Variants in MUC15 observed in about 807,000 individuals in gnomAD.
The protein encoded by MUC15 is mucin-15.
In MUC15, 23 loss-of-function variants were observed where a neutral mutation model predicts 24.0. That is an observed-to-expected ratio of 0.96 (90% confidence interval 0.69 to 1.36). The LOEUF is 1.36. Among genes scored for constraint, MUC15 ranks in the 40% most tolerant of loss-of-function variants. MUC15 has a pLI of 0.00. For missense variants in MUC15, 442 were observed against 428.2 expected (o/e 1.03, Z -0.29); for synonymous variants, 151 against 156.3 (o/e 0.97, Z 0.25).
At chr11:26,564,722 CACACACACACAT>C (rs1850464754) in intron 3 of MUC15, among the ~76,000 whole-genome samples, 5 of 66,998 alleles carry the variant, frequency 7.5e-5, no homozygotes, top group African/African-American at 1.1e-4. Flanking sequence ...CACACACACA[CACACACACACAT>C]ATATATATAT....
rs772708062 is a variant in MUC15 at position 26,565,320 on chromosome 11, A to G, written c.620T>C (p.Val207Ala). ...ILSSEPTSPSVTPLIVEPSGW... is the reference protein window; with the variant it reads ...ILSSEPTSPSATPLIVEPSGW... ...ACTTGGTTCCACTATCAAGGGGGTCACAGATGGAGAAGTTGGTTCTGAAGA... is the reference window on the plus strand; with the variant it reads ...ACTTGGTTCCACTATCAAGGGGGTCGCAGATGGAGAAGTTGGTTCTGAAGA... Residue 207 changes from valine (V) to alanine (A), a missense_variant, in exon 3 of 5, where the codon GTG (valine) becomes GCG (alanine). Val to Ala is a moderately conservative substitution (Grantham distance 64). Coordinates refer to ENST00000529533, the MANE Select transcript of MUC15 (RefSeq NM_001135091.2). The G allele has an allele frequency of 6.2e-7, 1 of 1,611,106 alleles. No individual in the cohort carries two copies. The highest frequency in any genetic ancestry group is 2.2e-5 in the East Asian group (1 of 44,832).
chr11:26,564,777 A>T (rs541673691), intron 3 of MUC15, among the ~76,000 whole-genome samples: 2 of 101,654 alleles, frequency 2.0e-5, no homozygotes, highest in Non-Finnish European at 2.1e-5. Flanking sequence ...ATATATATAT[A>T]TATATATAAG....
At chr11:26,564,785 A>ATATATATATATAT (rs1850498223) in intron 3 of MUC15, among the ~76,000 whole-genome samples, 1 of 95,484 alleles carries the variant, frequency 1.0e-5, no homozygotes, top group Non-Finnish European at 2.2e-5. Context: ...ATATATATAT[A>ATATATATATATAT]AGTTCAGTTG....
At chr11:26,567,322 G>C (rs1268334655) in intron 1 of MUC15, among the ~76,000 whole-genome samples, 183 bp from the exon 2 acceptor site, 1 of 151,798 alleles carries the variant, frequency 6.6e-6, no homozygotes. Context: ...TTCACTGAAA[G>C]CCTCCATGCT....
intron 4 of MUC15, 145 bp from the exon 5 acceptor site, chr11:26,561,370 T>C: frequency 1.6e-6 from 1 of 635,748 alleles, no homozygotes; most frequent in East Asian, 3.2e-5. Context: ...TTTAAAATTT[T>C]AAATAAGTAG....
rs1274503641 is a variant in MUC15 at position 26,563,183 on chromosome 11, C to A, written c.858G>T (p.Leu286Phe). The change falls in exon 4 of 5, where the codon TTG (leucine) becomes TTT (phenylalanine). Residue 286 changes from leucine (L) to phenylalanine (F), a missense_variant. Transcript: ENST00000529533. ...AATCCGTTTTCCTTTTTCCACACAA[C>A]AAGTAGCCCACAAGAGTAAGCAATG... ...GVSLLTLVGYLLCGKRKTDSF... is the reference protein window; with the variant it reads ...GVSLLTLVGYFLCGKRKTDSF... The A allele has an allele frequency of 6.2e-7, 1 of 1,612,442 alleles. No homozygotes were observed. The highest frequency in any genetic ancestry group is 2.2e-5 in the East Asian group (1 of 44,808).
rs182178762 is a variant in MUC15, at chr11:26,572,128, A to G, written c.-133T>C. ...GAATCTGTCGTGCATTAGAGAAAAC[A>G]GATGGGTTAAGTGTGACAATGTCGC... On this transcript the variant is annotated 5_prime_UTR_variant, in exon 1 of 5. Transcript: ENST00000529533. The G allele has an allele frequency of 5.4e-5, 53 of 985,400 alleles. No individual in the cohort carries two copies. Among genetic ancestry groups the G allele is most frequent in the Non-Finnish European group, 6.3e-5 (52 of 829,934 alleles). 61.0% of individuals were successfully genotyped at this position (985,400 alleles called of 1,614,324 possible). A position where few individuals can be genotyped will look rare whatever the true frequency, so the allele number is the denominator to read the frequency against.
chr11:26,564,692 T>C (rs978185658), intron 3 of MUC15, among the ~76,000 whole-genome samples: 84 of 41,136 alleles, frequency 2.0e-3, no homozygotes, highest in East Asian at 0.015. Context: ...CTCATATATA[T>C]ACACACACAC....
chr11:26,571,047 TA>T (rs1850804482), intron 1 of MUC15, among the ~76,000 whole-genome samples: 1 of 152,084 alleles, frequency 6.6e-6, no homozygotes, highest in Non-Finnish European at 1.5e-5. Flanking sequence ...TTGAGAACAT[TA>T]TTCTGGCTAA....
At chr11:26,563,827 A>G (rs1018815700) in intron 3 of MUC15, among the ~76,000 whole-genome samples, 1 of 151,878 alleles carries the variant, frequency 6.6e-6, no homozygotes, top group Non-Finnish European at 1.5e-5. Flanking sequence ...CTTGCATATC[A>G]AGAACAGTTG....
At chr11:26,564,506 AT>A (rs549283317) in intron 3 of MUC15, among the ~76,000 whole-genome samples, 52 of 149,798 alleles carry the variant, frequency 3.5e-4, no homozygotes, top group African/African-American at 8.1e-4. Flanking sequence ...AAACTTAGTT[AT>A]TTTTTTTCAT....
At chr11:26,562,177 G>A (rs1313285302) in intron 4 of MUC15, among the ~76,000 whole-genome samples, 8 of 151,974 alleles carry the variant, frequency 5.3e-5, no homozygotes, top group African/African-American at 1.4e-4. Context: ...GAAAACCACC[G>A]TTATAAATCC....
intron 3 of MUC15, 130 bp from the exon 4 acceptor site, chr11:26,563,395 CTGTGTG>C (rs71047867): frequency 0.011 from 6,039 of 538,794 alleles, 21 homozygotes; most frequent in Middle Eastern, 0.018. Flanking sequence ...GTTTCTCTCT[CTGTGTG>C]TGTGTGTGTG....
chr11:26,562,530 A>G lies in MUC15; in HGVS notation c.925+586T>C, dbSNP rs577133939. Among the ~76,000 whole-genome samples the G allele has an allele frequency of 9.9e-5, 15 of 152,058 alleles. No individual in the cohort carries two copies. In the East Asian group the frequency reaches 2.9e-3, roughly 29 times the overall value. ...ACAAACTGACAACTTTATTTTTAGT[A>G]TACATATTTCTCATTCATAGATATT... On this transcript the variant is annotated intron_variant, in intron 4 of 4. Transcript: ENST00000529533.
At chr11:26,571,336 G>A (rs1375429185) in intron 1 of MUC15, among the ~76,000 whole-genome samples, 1 of 152,060 alleles carries the variant, frequency 6.6e-6, no homozygotes, top group African/African-American at 2.4e-5. Context: ...AATAAAAAAA[G>A]AGGCTTATAT....
rs973857868 is a variant in MUC15, at chr11:26,564,498, A to C, written c.775+667T>G. Among the ~76,000 whole-genome samples the C allele has an allele frequency of 9.3e-5, 14 of 150,718 alleles. 1 individual carries two copies. Reference sequence around the variant, plus strand: ...AACAAAACAAGAATGAATTATTAAAACTTAGTTATTTTTTTTCATTTTATG... The same window carrying C: ...AACAAAACAAGAATGAATTATTAAACCTTAGTTATTTTTTTTCATTTTATG... On this transcript the variant is annotated intron_variant, in intron 3 of 4. Coordinates refer to ENST00000529533, the MANE Select transcript of MUC15 (RefSeq NM_001135091.2).
At chr11:26,567,178 C>G (rs1198811040) in intron 1 of MUC15, 39 bp from the exon 2 acceptor site, 2 of 1,274,040 alleles carry the variant, frequency 1.6e-6, no homozygotes, top group African/African-American at 1.5e-5. Flanking sequence ...GCCAAGTCAA[C>G]TGACTCCAAT....
chr11:26,566,072 C>A (rs1850570426), intron 2 of MUC15, among the ~76,000 whole-genome samples, 176 bp from the exon 3 acceptor site: 1 of 151,834 alleles, frequency 6.6e-6, no homozygotes, highest in African/African-American at 2.4e-5. Flanking sequence ...CCATTGAGTA[C>A]TGCTTTCCAC....
Position 26,563,187 on chromosome 11 carries a change from T to C in MUC15, c.854A>G (p.Tyr285Cys), listed in dbSNP as rs1257214977. 6.2e-7 allele frequency: 1 copy of C among 1,612,416 alleles called. No homozygotes were observed. The highest frequency in any genetic ancestry group is 8.5e-7 in the Non-Finnish European group (1 of 1,178,992). ...LGVSLLTLVG[Y>C]LLCGKRKTDS... Reference sequence around the variant, plus strand: ...CGTTTTCCTTTTTCCACACAACAAGTAGCCCACAAGAGTAAGCAATGAGAC... The same window carrying C: ...CGTTTTCCTTTTTCCACACAACAAGCAGCCCACAAGAGTAAGCAATGAGAC... The change falls in exon 4 of 5, where the codon TAC becomes TGC. Residue 285 changes from tyrosine to cysteine, a missense_variant. Transcript: ENST00000529533.
Sources: gnomAD v4.1 joint callset for allele counts (sites outside exome capture counted in the v4.1 genomes callset) on GRCh38, gnomAD v4.1.1 for gene constraint, MANE v1.5 for transcripts, NCBI Gene and HGNC (gene_info 2026-07-23, HGNC 2026-07-21) for gene names.